The following PRR36 variants were observed in gnomAD, a reference collection of about 807,000 sequenced individuals.
PRR36 encodes proline-rich protein 36.
A neutral mutation model predicts 58.6 loss-of-function variants in PRR36; 30 were observed. The observed-to-expected ratio is 0.51, with a 90% CI of 0.38 to 0.69. The LOEUF is 0.69. PRR36 is among the 30% of genes least tolerant of loss of function. PRR36 has a pLI of 0.00. For missense variants in PRR36, 1,692 were observed against 1,805.6 expected (o/e 0.94, Z 1.14); for synonymous variants, 771 against 829.3 (o/e 0.93, Z 1.21).
chr19:7,869,572 T>C lies in PRR36; in HGVS notation c.3530-28A>G, dbSNP rs554209393. 2.8e-5 allele frequency: 43 copies of C among 1,512,540 alleles called. No homozygotes were observed. The East Asian group carries it at 1.1e-3, about 38-fold the overall frequency. The allele number at this position is 1,512,540 out of a possible 1,614,324, so 93.7% of individuals were successfully genotyped here. A position where few individuals can be genotyped will look rare whatever the true frequency, so the allele number is the denominator to read the frequency against. Reference sequence around the variant, plus strand: ...GCGGGGAGAGACGCCAGGTGGGCCGTGGGGGTGATAAGCCCCGCCCCTGCC... The same window carrying C: ...GCGGGGAGAGACGCCAGGTGGGCCGCGGGGGTGATAAGCCCCGCCCCTGCC... On this transcript the variant is annotated intron_variant, in intron 5 of 5. Coordinates refer to ENST00000618550, the MANE Select transcript of PRR36 (RefSeq NM_001190467.2).
Position 7,873,287 on chromosome 19 carries a change from G to T in PRR36, c.284C>A (p.Pro95Gln), listed in dbSNP as rs912935604. 8.1e-5 allele frequency: 125 copies of T among 1,535,064 alleles called. No individual in the cohort carries two copies. Among genetic ancestry groups the T allele is most frequent in the Non-Finnish European group, 1.0e-4 (117 of 1,146,446 alleles). Residue 95 changes from proline to glutamine, a missense_variant, in exon 3 of 6, where the codon CCA becomes CAA. Transcript: ENST00000618550. The surrounding 1 kb of genome is among the most constrained non-coding windows in gnomAD (Gnocchi z 5.0). ...AGCTCTCTCCCCTCTCCCAGAGGCT[G>T]GGGGCCTGGAGGCTGCGGGGAGAAG... is the stretch of plus-strand genomic sequence containing the variant. ...TSSRNPASRPPASGRGERAPP... is the reference protein window; with the variant it reads ...TSSRNPASRPQASGRGERAPP...
Position 7,868,874 on chromosome 19 carries a change from C to G in PRR36, c.*159G>C. On this transcript the variant is annotated 3_prime_UTR_variant, in exon 6 of 6. Coordinates refer to ENST00000618550, the MANE Select transcript of PRR36 (RefSeq NM_001190467.2). Reference sequence around the variant, plus strand: ...CTAGGTCAAAGCTGTGGGTAGGTCCCGAGCCTCCGAGGCCAAAGGCTCAGG... The same window carrying G: ...CTAGGTCAAAGCTGTGGGTAGGTCCGGAGCCTCCGAGGCCAAAGGCTCAGG... The G allele has an allele frequency of 3.5e-6, 3 of 860,046 alleles. No individual in the cohort carries two copies. The highest frequency in any genetic ancestry group is 5.0e-6 in the Non-Finnish European group (3 of 596,046). The allele number at this position is 860,046 out of a possible 1,614,324, so 53.3% of individuals were successfully genotyped here.
rs1980576201 is a variant in PRR36 at position 7,873,657 on chromosome 19, C to G, written c.33G>C (p.Gly11=). The G allele has an allele frequency of 6.5e-7, 1 of 1,535,120 alleles. No individual in the cohort carries two copies. Among genetic ancestry groups the G allele is most frequent in the South Asian group, 1.2e-5 (1 of 84,034 alleles). Residue 11 remains glycine (G), a synonymous_variant, in exon 2 of 6, where the codon GGG becomes GGC. Transcript: ENST00000618550. This position sits in a 1 kb window ranked among gnomAD's most constrained non-coding sequence, Gnocchi z 5.0. MDNKRDKAKA[G]AAARTPAARA... is the part of the protein sequence containing the mutation. ...GAGCAGCCGGCGTCCGCGCGGCGGCCCCTGCCTTCGCCTTGTCTCTCTTGT... is the reference window on the plus strand; with the variant it reads ...GAGCAGCCGGCGTCCGCGCGGCGGCGCCTGCCTTCGCCTTGTCTCTCTTGT...
chr19:7,872,996 C>A lies in PRR36; in HGVS notation c.375-35G>T, dbSNP rs1980537201. On this transcript the variant is annotated intron_variant, in intron 3 of 5. Transcript: ENST00000618550. This position sits in a 1 kb window ranked among gnomAD's most constrained non-coding sequence, Gnocchi z 6.1. The stretch of plus-strand genomic sequence containing the variant: ...GAAGGGGCCACGCTCAGGCCTAGGT[C>A]TTTGTTTGGCTTCCCAAGTCTCTAT... 1 of 1,493,346 alleles carries A rather than the reference C, an allele frequency of 6.7e-7. No homozygotes were observed. The highest frequency in any genetic ancestry group is 1.4e-5 in the African/African-American group (1 of 71,826). 92.5% of individuals were successfully genotyped at this position (1,493,346 alleles called of 1,614,324 possible).
Position 7,871,675 on chromosome 19 carries a change from A to T in PRR36, c.1569T>A (p.Ser523=). The T allele has an allele frequency of 1.3e-6, 2 of 1,535,682 alleles. No individual in the cohort carries two copies. The highest frequency in any genetic ancestry group is 2.4e-5 in the South Asian group (2 of 84,040). Residue 523 remains serine (S), a synonymous_variant, in exon 5 of 6, where the codon TCT becomes TCA. Coordinates refer to ENST00000618550, the MANE Select transcript of PRR36 (RefSeq NM_001190467.2). ...HTLATLPLQD[S]PLLATLPLQA... ...GCAGAGGCAATGTGGCCAGAAGAGGAGAGTCCTGCAGAGGAAGAGTGGCCA... is the reference window on the plus strand; with the variant it reads ...GCAGAGGCAATGTGGCCAGAAGAGGTGAGTCCTGCAGAGGAAGAGTGGCCA...
rs978666565 is a variant in PRR36, at chr19:7,871,210, G to T, written c.2034C>A (p.Pro678=). The T allele has an allele frequency of 7.7e-5, 118 of 1,534,244 alleles. No individual in the cohort carries two copies. The highest frequency in any genetic ancestry group is 1.0e-4 in the Non-Finnish European group (116 of 1,146,402). ...GGTGTATGGTCAGGGGTGAGCTTAG[G>T]GGTGAGACAGCAGGAGAGAGAGAAG... ...LQTSLSPAVS[P]LSSPLTIHPL... is the part of the protein sequence containing the mutation. The change falls in exon 5 of 6, where the codon CCC becomes CCA. Residue 678 remains proline (P), a synonymous_variant. Transcript: ENST00000618550.
Position 7,873,333 on chromosome 19 carries a change from G to A in PRR36, c.272-34C>T, listed in dbSNP as rs1980552863. On this transcript the variant is annotated intron_variant, in intron 2 of 5. Coordinates refer to ENST00000618550, the MANE Select transcript of PRR36 (RefSeq NM_001190467.2). The surrounding 1 kb of genome is among the most constrained non-coding windows in gnomAD (Gnocchi z 5.0). The stretch of plus-strand genomic sequence containing the variant: ...AGAAGGCCGAGTCACAGGTGCCCCG[G>A]AGAGGTGGCAGTGGAGGTGAGACTG... 3 of 1,524,618 alleles carry A rather than the reference G, an allele frequency of 2.0e-6. No homozygotes were observed. The highest frequency in any genetic ancestry group is 2.0e-5 in the Admixed American group (1 of 49,926). 94.4% of individuals were successfully genotyped at this position (1,524,618 alleles called of 1,614,324 possible). A position where few individuals can be genotyped will look rare whatever the true frequency, so the allele number is the denominator to read the frequency against.
rs1275951918 is a variant in PRR36 at position 7,870,259 on chromosome 19, A to T, written c.2985T>A (p.Pro995=). 8.6e-7 allele frequency: 1 copy of T among 1,160,464 alleles called. No homozygotes were observed. Among genetic ancestry groups the T allele is most frequent in the African/African-American group, 2.1e-5 (1 of 47,888 alleles). The allele number at this position is 1,160,464 out of a possible 1,614,324, so 71.9% of individuals were successfully genotyped here. A position where few individuals can be genotyped will look rare whatever the true frequency, so the allele number is the denominator to read the frequency against. ...APPLQVPPSP[P]ASLPMSPLAK... is the part of the protein sequence containing the mutation. ...CCAAAGGAGACATTGGGAGTGAGGC[A>T]GGGGGAGAGGGCGGGACCTGCAGAG... Residue 995 remains proline, a synonymous_variant, in exon 5 of 6, where the codon CCT becomes CCA. Transcript: ENST00000618550.
chr19:7,872,670 G>C lies in PRR36; in HGVS notation c.574C>G (p.Pro192Ala). 1.4e-6 allele frequency: 2 copies of C among 1,457,898 alleles called. No individual in the cohort carries two copies. The highest frequency in any genetic ancestry group is 1.8e-6 in the Non-Finnish European group (2 of 1,110,630). 90.3% of individuals were successfully genotyped at this position (1,457,898 alleles called of 1,614,324 possible). The change falls in exon 5 of 6, where the codon CCA becomes GCA. Residue 192 changes from proline to alanine, a missense_variant. Coordinates refer to ENST00000618550, the MANE Select transcript of PRR36 (RefSeq NM_001190467.2). The surrounding 1 kb of genome is among the most constrained non-coding windows in gnomAD (Gnocchi z 6.1). The part of the protein sequence containing the change: ...AAGTEVGLPR[P>A]APSARPRPPT... ...GGCCGTGGCCGGGCACTCGGAGCTG[G>C]CCGGGGGAGCCCCACCTCGGTGCCC... is the stretch of plus-strand genomic sequence containing the variant.
chr19:7,869,038 G>A lies in PRR36; in HGVS notation c.4036C>T (p.His1346Tyr). 6.6e-7 allele frequency: 1 copy of A among 1,519,034 alleles called. No homozygotes were observed. Among genetic ancestry groups the A allele is most frequent in the Non-Finnish European group, 8.8e-7 (1 of 1,138,394 alleles). The allele number at this position is 1,519,034 out of a possible 1,614,324, so 94.1% of individuals were successfully genotyped here. A position where few individuals can be genotyped will look rare whatever the true frequency, so the allele number is the denominator to read the frequency against. The change falls in exon 6 of 6, where the codon CAC becomes TAC. Residue 1346 changes from histidine (H) to tyrosine (Y), a missense_variant. By Grantham distance (83) the His-to-Tyr change is moderately conservative. Around this residue, in one of 5 missense-constraint regions of PRR36, gnomAD observed 485 missense variants for 549.2 expected, o/e 0.88. Transcript: ENST00000618550. ...DWTVVEVETF[H>Y] ...AGGCGGGGCTGTGGTCTGGCTCAGT[G>A]GAAGGTCTCCACCTCCACCACGGTC...
Position 7,869,517 on chromosome 19 carries a change from G to T in PRR36, c.3557C>A (p.Thr1186Asn). Residue 1186 changes from threonine (T) to asparagine (N), a missense_variant, in exon 6 of 6, where the codon ACC (threonine) becomes AAC (asparagine). Transcript: ENST00000618550. ...CAGACCGTCAGCAGAGCCCGGTCCGGTAGCGGGAGGCCACGGCAGGGGCGC... is the reference window on the plus strand; with the variant it reads ...CAGACCGTCAGCAGAGCCCGGTCCGTTAGCGGGAGGCCACGGCAGGGGCGC... ...PGAPLPWPPATGPGSADGLCT... is the reference protein window; with the variant it reads ...PGAPLPWPPANGPGSADGLCT... The T allele has an allele frequency of 1.3e-6, 2 of 1,519,440 alleles. No homozygotes were observed. Among genetic ancestry groups the T allele is most frequent in the Non-Finnish European group, 1.8e-6 (2 of 1,139,772 alleles). 94.1% of individuals were successfully genotyped at this position (1,519,440 alleles called of 1,614,324 possible).
Position 7,873,521 on chromosome 19 carries a change from G to A in PRR36, c.169C>T (p.Pro57Ser). 6.5e-7 allele frequency: 1 copy of A among 1,535,412 alleles called. No individual in the cohort carries two copies. Among genetic ancestry groups the A allele is most frequent in the Non-Finnish European group, 8.7e-7 (1 of 1,146,804 alleles). The change falls in exon 2 of 6, where the codon CCT becomes TCT. Residue 57 changes from proline to serine, a missense_variant. Transcript: ENST00000618550. The surrounding 1 kb of genome is among the most constrained non-coding windows in gnomAD (Gnocchi z 5.0). Reference protein sequence around the residue: ...LGAAGAVGRKPLAERAGGIGG... With the variant: ...LGAAGAVGRKSLAERAGGIGG... ...ATGCCCCCCGCTCGCTCTGCCAGAGGCTTTCGCCCCACTGCTCCCGCAGCT... is the reference window on the plus strand; with the variant it reads ...ATGCCCCCCGCTCGCTCTGCCAGAGACTTTCGCCCCACTGCTCCCGCAGCT...
Position 7,871,693 on chromosome 19 carries a change from A to G in PRR36, c.1551T>C (p.Thr517=), listed in dbSNP as rs1314322162. The G allele has an allele frequency of 3.3e-6, 5 of 1,535,192 alleles. No individual in the cohort carries two copies. In the South Asian group the frequency reaches 4.8e-5, roughly 15 times the overall value. Residue 517 remains threonine, a synonymous_variant, in exon 5 of 6, where the codon ACT becomes ACC. Transcript: ENST00000618550. ...SLQATPHTLA[T]LPLQDSPLLA... is the part of the protein sequence containing the mutation. ...GAAGAGGAGAGTCCTGCAGAGGAAG[A>G]GTGGCCAGAGTGTGGGGCGTGGCCT...
At position 7,872,785 on chromosome 19, in the gene PRR36, A is replaced by T; in HGVS notation, c.488-29T>A. The T allele has an allele frequency of 6.6e-7, 1 of 1,513,220 alleles. No homozygotes were observed. Among genetic ancestry groups the T allele is most frequent in the East Asian group, 2.5e-5 (1 of 40,598 alleles). The allele number at this position is 1,513,220 out of a possible 1,614,324, so 93.7% of individuals were successfully genotyped here. ...GAGAAAAAGTAGAAGGCCAAGGGTC[A>T]CCGATACCTCTGAGGCGGCTCCCCT... On this transcript the variant is annotated intron_variant, in intron 4 of 5. Coordinates refer to ENST00000618550, the MANE Select transcript of PRR36 (RefSeq NM_001190467.2). The surrounding 1 kb of genome is among the most constrained non-coding windows in gnomAD (Gnocchi z 6.1).
Position 7,872,307 on chromosome 19 carries a change from T to C in PRR36, c.937A>G (p.Lys313Glu). The change falls in exon 5 of 6, where the codon AAG becomes GAG. Residue 313 changes from lysine (K) to glutamate (E), a missense_variant. Coordinates refer to ENST00000618550, the MANE Select transcript of PRR36 (RefSeq NM_001190467.2). This position sits in a 1 kb window ranked among gnomAD's most constrained non-coding sequence, Gnocchi z 6.1. ...PLATPSPSGT[K>E]ARPVPPPDNA... Reference sequence around the variant, plus strand: ...TCGGGAGGCGGTACGGGTCTTGCCTTGGTACCCGATGGAGAGGGTGTGGCC... The same window carrying C: ...TCGGGAGGCGGTACGGGTCTTGCCTCGGTACCCGATGGAGAGGGTGTGGCC... The C allele has an allele frequency of 2.1e-6, 3 of 1,454,188 alleles. No homozygotes were observed. In the South Asian group the frequency reaches 4.3e-5, roughly 21 times the overall value. 90.1% of individuals were successfully genotyped at this position (1,454,188 alleles called of 1,614,324 possible).
rs765518715 is a variant in PRR36, at chr19:7,871,865, G to T, written c.1379C>A (p.Ala460Asp). The change falls in exon 5 of 6, where the codon GCC becomes GAC. Residue 460 changes from alanine (A) to aspartate (D), a missense_variant. Ala to Asp is a moderately radical substitution (Grantham distance 126). Around this residue, in one of 5 missense-constraint regions of PRR36, gnomAD observed 975 missense variants for 955.2 expected, o/e 1.02. Coordinates refer to ENST00000618550, the MANE Select transcript of PRR36 (RefSeq NM_001190467.2). The stretch of plus-strand genomic sequence containing the variant: ...AACAGGGCCTTGTAGAGGAGACATG[G>T]CTGACAGAGGAGGTGTGGCCAAGGG... The part of the protein sequence containing the change: ...LSPLATPPLS[A>D]MSPLQGPVSP... The T allele has an allele frequency of 1.3e-6, 2 of 1,535,988 alleles. No individual in the cohort carries two copies. Among genetic ancestry groups the T allele is most frequent in the African/African-American group, 1.4e-5 (1 of 73,108 alleles).
rs2145073477 is a variant in PRR36 at position 7,873,579 on chromosome 19, G to A, written c.111C>T (p.Pro37=). The A allele has an allele frequency of 5.2e-6, 8 of 1,534,684 alleles. No individual in the cohort carries two copies. The highest frequency in any genetic ancestry group is 1.2e-5 in the South Asian group (1 of 84,008). ...PRPPGSPRPP[P]PVTPAALRVL... is the part of the protein sequence containing the mutation. ...CTCGGAGGGCTGCGGGAGTTACTGGGGGAGGGGGTCGAGGAGAGCCTGGGG... is the reference window on the plus strand; with the variant it reads ...CTCGGAGGGCTGCGGGAGTTACTGGAGGAGGGGGTCGAGGAGAGCCTGGGG... The change falls in exon 2 of 6, where the codon CCC becomes CCT. Residue 37 remains proline (P), a synonymous_variant. Transcript: ENST00000618550. The surrounding 1 kb of genome is among the most constrained non-coding windows in gnomAD (Gnocchi z 5.0).
Position 7,869,528 on chromosome 19 carries a change from C to A in PRR36, c.3546G>T (p.Trp1182Cys), listed in dbSNP as rs1249121254. The A allele has an allele frequency of 2.0e-6, 3 of 1,518,546 alleles. No homozygotes were observed. Among genetic ancestry groups the A allele is most frequent in the Non-Finnish European group, 2.6e-6 (3 of 1,139,346 alleles). The allele number at this position is 1,518,546 out of a possible 1,614,324, so 94.1% of individuals were successfully genotyped here. ...CAGAGCCCGGTCCGGTAGCGGGAGG[C>A]CACGGCAGGGGCGCACCTGCGGGGA... Reference protein sequence around the residue: ...FRGAPGAPLPWPPATGPGSAD... With the variant: ...FRGAPGAPLPCPPATGPGSAD... The change falls in exon 6 of 6, where the codon TGG (tryptophan) becomes TGT (cysteine). Residue 1182 changes from tryptophan to cysteine, a missense_variant. Physicochemically the swap from Trp to Cys is radical, Grantham distance 215. Around this residue, in one of 5 missense-constraint regions of PRR36, gnomAD observed 485 missense variants for 549.2 expected, o/e 0.88. Transcript: ENST00000618550.
In PRR36 at chr19:7,873,710, C is replaced by G. The variant is rs1409299556; in HGVS notation, c.-7-14G>C. The G allele has an allele frequency of 2.0e-5, 30 of 1,531,622 alleles. No homozygotes were observed. The highest frequency in any genetic ancestry group is 2.6e-5 in the Non-Finnish European group (30 of 1,144,760). The allele number at this position is 1,531,622 out of a possible 1,614,324, so 94.9% of individuals were successfully genotyped here. On this transcript the variant is annotated splice_polypyrimidine_tract_variant and intron_variant, in intron 1 of 5. Coordinates refer to ENST00000618550, the MANE Select transcript of PRR36 (RefSeq NM_001190467.2). This position sits in a 1 kb window ranked among gnomAD's most constrained non-coding sequence, Gnocchi z 5.0. ...TCCATCTTGCACCTGAAGAGACAAACCGGTCCGCATCCCAGGTTCTGGACA... is the reference window on the plus strand; with the variant it reads ...TCCATCTTGCACCTGAAGAGACAAAGCGGTCCGCATCCCAGGTTCTGGACA...
Sources: allele counts gnomAD v4.1 joint callset, GRCh38; gene constraint gnomAD v4.1.1; regional missense constraint gnomAD v4.1.1; non-coding constraint Gnocchi (gnomAD v3.1); transcripts MANE v1.5; gene names NCBI Gene and HGNC (gene_info 2026-07-23, HGNC 2026-07-21).